C22orf23: variants seen among roughly 807,000 people sequenced by gnomAD.
The protein encoded by C22orf23 is UPF0193 protein EVG1.
In C22orf23, 30 loss-of-function variants were observed where a neutral mutation model predicts 29.7. The ratio of observed to expected loss-of-function variants is 1.01; its 90% CI spans 0.76 to 1.37. The LOEUF is 1.37. C22orf23 is among the 40% of genes most tolerant of loss of function. The pLI is 0.00. For synonymous variants in C22orf23, 90 were observed against 96.1 expected (o/e 0.94, Z 0.37); for missense variants, 237 against 273.1 (o/e 0.87, Z 0.93).
chr22:37,948,685 C>A (rs6000951), intron 3 of C22orf23, among the ~76,000 whole-genome samples: 5,317 of 152,226 alleles, frequency 0.035, 302 homozygotes, highest in African/African-American at 0.12. Flanking sequence ...TTCTCTTCTT[C>A]CTTCCAGTCC....
rs750258970 is a variant in C22orf23, at chr22:37,945,039, T to TA, written c.481+2dup. ...CAGCATGACTGGTCCGTCGGAGTCT[T>TA]ACGCTCTTCAAATCGGTCTAGCTCA... On this transcript the variant is annotated splice_region_variant and intron_variant, in intron 5 of 6. Coordinates refer to ENST00000403305, the MANE Select transcript of C22orf23 (RefSeq NM_032561.5). 3.7e-6 allele frequency: 6 copies of TA among 1,602,942 alleles called. No individual in the cohort carries two copies. The African/African-American group carries it at 5.4e-5, about 15-fold the overall frequency.
rs779900983 is a variant in C22orf23 at position 37,947,358 on chromosome 22, C to T, written c.272G>A (p.Arg91His). ...PIYLPPILAA[R>H]PHLRPANMCQ... ...CATGTTGGCAGGCCGGAGGTGGGGACGGGCTGCGAGGATGGGAGGCAGGTA... is the reference window on the plus strand; with the variant it reads ...CATGTTGGCAGGCCGGAGGTGGGGATGGGCTGCGAGGATGGGAGGCAGGTA... The change falls in exon 4 of 7, where the codon CGT (arginine) becomes CAT (histidine). Residue 91 changes from arginine (R) to histidine (H), a missense_variant. By Grantham distance (29) the Arg-to-His change is conservative. Transcript: ENST00000403305. 33 of 1,613,586 alleles carry T rather than the reference C, an allele frequency of 2.0e-5. No individual in the cohort carries two copies. The African/African-American group carries it at 3.6e-4, about 18-fold the overall frequency.
rs1429997459 is a variant in C22orf23, at chr22:37,944,405, T to G, written c.582+12A>C. The stretch of plus-strand genomic sequence containing the variant: ...CCCTTCCCCTCCCCACTTTCCTGGT[T>G]GTTTCTCCTACCTGGGAGATTTCAG... On this transcript the variant is annotated intron_variant, in intron 6 of 6. Transcript: ENST00000403305. 6.2e-7 allele frequency: 1 copy of G among 1,613,966 alleles called. No homozygotes were observed. The highest frequency in any genetic ancestry group is 8.5e-7 in the Non-Finnish European group (1 of 1,179,882).
Position 37,953,072 on chromosome 22 carries a change from G to A in C22orf23, c.78C>T (p.Thr26=). ...FRRRPKTITY[T]PGTCELLRVM... Reference sequence around the variant, plus strand: ...CTCTGAGCAGCTCGCAGGTCCCCGGGGTGTAAGTGATGGTCTTGGGGCGGC... The same window carrying A: ...CTCTGAGCAGCTCGCAGGTCCCCGGAGTGTAAGTGATGGTCTTGGGGCGGC... The change falls in exon 2 of 7, where the codon ACC becomes ACT. Residue 26 remains threonine (T), a synonymous_variant. Coordinates refer to ENST00000403305, the MANE Select transcript of C22orf23 (RefSeq NM_032561.5). 1 of 1,613,886 alleles carries A rather than the reference G, an allele frequency of 6.2e-7. No individual in the cohort carries two copies. The highest frequency in any genetic ancestry group is 2.2e-5 in the East Asian group (1 of 44,850).
At chr22:37,949,545 G>A (rs920497829) in intron 3 of C22orf23, among the ~76,000 whole-genome samples, 8 of 138,390 alleles carry the variant, frequency 5.8e-5, no homozygotes, top group Non-Finnish European at 3.0e-5. Flanking sequence ...TGCAACCTCC[G>A]CCTCCTGGGT....
intron 4 of C22orf23, 113 bp from the exon 5 acceptor site, chr22:37,945,286 C>T: frequency 7.8e-7 from 1 of 1,282,894 alleles, no homozygotes; most frequent in Non-Finnish European, 1.1e-6. Flanking sequence ...GCAGACAGGG[C>T]TTCCGTACAC....
At chr22:37,949,873 A>T (rs984960125) in intron 3 of C22orf23, among the ~76,000 whole-genome samples, 1 of 151,858 alleles carries the variant, frequency 6.6e-6, no homozygotes, top group Non-Finnish European at 1.5e-5. Context: ...TCACACACCC[A>T]AAAATTTTGC....
At chr22:37,944,777 T>G in intron 5 of C22orf23, 2 of 567,816 alleles carry the variant, frequency 3.5e-6, no homozygotes, top group Non-Finnish European at 6.2e-6. Context: ...CGGGCGCTGG[T>G]AATCCCAGCT....
chr22:37,947,315 G>C lies in C22orf23; in HGVS notation c.315C>G (p.Ala105=), dbSNP rs1930754240. The change falls in exon 4 of 7, where the codon GCC becomes GCG. Residue 105 remains alanine, a synonymous_variant. Coordinates refer to ENST00000403305, the MANE Select transcript of C22orf23 (RefSeq NM_032561.5). ...GAGGCTTGAACTGCTCCCGGCTGTA[G>C]GCCCCATTGGCTTGACACATGTTGG... ...RPANMCQANG[A]YSREQFKPQA... 2 of 1,613,842 alleles carry C rather than the reference G, an allele frequency of 1.2e-6. No individual in the cohort carries two copies. The highest frequency in any genetic ancestry group is 2.7e-5 in the African/African-American group (2 of 74,770).
Position 37,953,540 on chromosome 22 carries a change from C to T in C22orf23, c.-102G>A. ...TTTACAGCCGCATCCGCACCGGTGC[C>T]ACGCAGAAATACTGCGCGATCTGGG... On this transcript the variant is annotated 5_prime_UTR_variant, in exon 1 of 7. Coordinates refer to ENST00000403305, the MANE Select transcript of C22orf23 (RefSeq NM_032561.5). 1 of 573,142 alleles carries T rather than the reference C, an allele frequency of 1.7e-6. No homozygotes were observed. The highest frequency in any genetic ancestry group is 2.2e-5 in the South Asian group (1 of 45,396). The allele number at this position is 573,142 out of a possible 1,614,324, so 35.5% of individuals were successfully genotyped here.
chr22:37,947,195 C>T (rs1424090770), intron 4 of C22orf23, 86 bp downstream of exon 4: 1 of 1,423,502 alleles, frequency 7.0e-7, no homozygotes, highest in Non-Finnish European at 9.8e-7. Context: ...GCTACCTTCC[C>T]ACCTGCCCTG....
chr22:37,946,823 G>A (rs1030354811), intron 4 of C22orf23, among the ~76,000 whole-genome samples: 1 of 149,486 alleles, frequency 6.7e-6, no homozygotes, highest in African/African-American at 2.5e-5. Context: ...ACAGTGAGCC[G>A]AGATAGCACC....
intron 2 of C22orf23, chr22:37,952,493 T>C (rs1226068592): frequency 6.6e-6 from 1 of 152,228 alleles, no homozygotes; most frequent in Non-Finnish European, 1.5e-5. Context: ...TTTTAGTTCT[T>C]TGACTTTTGG....
intron 4 of C22orf23, among the ~76,000 whole-genome samples, 176 bp from the exon 5 acceptor site, chr22:37,945,349 G>A (rs962890803): frequency 6.6e-5 from 10 of 152,124 alleles, no homozygotes; most frequent in African/African-American, 2.2e-4. Context: ...AGAGAGGCAG[G>A]AAGAGGTGGA....
chr22:37,952,907 C>T (rs1431847486), intron 2 of C22orf23, 140 bp downstream of exon 2: 1 of 674,900 alleles, frequency 1.5e-6, no homozygotes, highest in Non-Finnish European at 2.6e-6. Context: ...TTATGAGAAT[C>T]TAACTAATAC....
Position 37,945,088 on chromosome 22 carries a change from A to C in C22orf23, c.435T>G (p.Pro145=), listed in dbSNP as rs375392356. ...CAGGGGCTGGAGCCTTCTGTCGTGC[A>C]GGAGGGGCCTTTCTTTTCCGTTCCT... is the stretch of plus-strand genomic sequence containing the variant. ...DMEERKRKAP[P]ARQKAPAPEL... Residue 145 remains proline (P), a synonymous_variant, in exon 5 of 7, where the codon CCT becomes CCG. Transcript: ENST00000403305. 124 of 1,613,488 alleles carry C rather than the reference A, an allele frequency of 7.7e-5. 1 individual carries two copies. The highest frequency in any genetic ancestry group is 4.2e-6 in the Non-Finnish European group (5 of 1,179,862).
In C22orf23 at chr22:37,944,192, C is replaced by G. The variant is rs1235479347; in HGVS notation, c.637G>C (p.Gly213Arg). 1 of 1,614,162 alleles carries G rather than the reference C, an allele frequency of 6.2e-7. No individual in the cohort carries two copies. The highest frequency in any genetic ancestry group is 1.1e-5 in the South Asian group (1 of 91,080). Residue 213 changes from glycine (G) to arginine (R), a missense_variant, in exon 7 of 7, where the codon GGT becomes CGT. By Grantham distance (125) the Gly-to-Arg change is moderately radical. Coordinates refer to ENST00000403305, the MANE Select transcript of C22orf23 (RefSeq NM_032561.5). Reference protein sequence around the residue: ...DHRRSEELRKGLATT With the variant: ...DHRRSEELRKRLATT ...GAGACAGATTAAGTGGTGGCAAGAC[C>G]CTTCCTAAGTTCCTCACTCCTTCTG...
chr22:37,947,502 C>A, intron 3 of C22orf23, 39 bp from the exon 4 acceptor site: 1 of 321,130 alleles, frequency 3.1e-6, no homozygotes, highest in Non-Finnish European at 4.4e-6. Context: ...ACCCACATGG[C>A]TTTTTTTTTT....
At position 37,944,516 on chromosome 22, in the gene C22orf23, C is replaced by T. The variant is rs916242015; in HGVS notation, c.483G>A (p.Leu161=). 1.9e-5 allele frequency: 31 copies of T among 1,613,742 alleles called. No homozygotes were observed. Among genetic ancestry groups the T allele is most frequent in the Non-Finnish European group, 2.6e-5 (31 of 1,179,858 alleles). ...CTTTCCTCTCCTGGATTTCCTTCAC[C>T]ACTGGACAGAGGAGAGGGCTGTCAG... is the stretch of plus-strand genomic sequence containing the variant. ...PAPELDRFEE[L]VKEIQERKEF... The change falls in exon 6 of 7, where the codon CTG becomes CTA. Residue 161 remains leucine (L), a splice_region_variant and synonymous_variant. Transcript: ENST00000403305.
Sources: gnomAD v4.1 joint callset for allele counts (sites outside exome capture counted in the v4.1 genomes callset) on GRCh38, gnomAD v4.1.1 for gene constraint, MANE v1.5 for transcripts, NCBI Gene and HGNC (gene_info 2026-07-23, HGNC 2026-07-21) for gene names.